The following ARNT2 variants were observed in gnomAD, a reference collection of about 807,000 sequenced individuals.
ARNT2 encodes aryl hydrocarbon receptor nuclear translocator 2.
ARNT2 carries 36 observed loss-of-function variants against 91.7 expected under a neutral mutation model. The observed-to-expected ratio is 0.39, with a 90% CI of 0.30 to 0.52. The LOEUF is 0.52. Among genes scored for constraint, ARNT2 ranks in the 20% least tolerant of loss-of-function variants. ARNT2 has a pLI of 0.72. For missense variants in ARNT2, 775 were observed against 939.3 expected, an observed-to-expected ratio of 0.83 and a Z score of 2.29; for synonymous variants, 365 against 347.1, an observed-to-expected ratio of 1.05 and a Z score of -0.57.
chr15:80,580,235 G>A (rs777482115), intron 15 of ARNT2, 176 bp from the exon 16 acceptor site: 10 of 767,736 alleles, frequency 1.3e-5, no homozygotes, highest in Non-Finnish European at 2.2e-5. Flanking sequence ...TGAAGGGAGA[G>A]GAGGACGGCC....
chr15:80,546,150 C>A (rs1157836309), intron 8 of ARNT2, among the ~76,000 whole-genome samples: 1 of 152,050 alleles, frequency 6.6e-6, no homozygotes, highest in East Asian at 1.9e-4. Context: ...TTAAATAAAT[C>A]TATTTTATAT....
At chr15:80,424,777 C>CAAAAAAAA (rs11403327) in intron 1 of ARNT2, among the ~76,000 whole-genome samples, 1 of 147,086 alleles carries the variant, frequency 6.8e-6, no homozygotes. Flanking sequence ...AAACAGCCCT[C>CAAAAAAAA]AAAAAAAAAA....
At chr15:80,408,140 G>T (rs1895628063) in intron 1 of ARNT2, among the ~76,000 whole-genome samples, 1 of 152,148 alleles carries the variant, frequency 6.6e-6, no homozygotes, top group East Asian at 1.9e-4. Flanking sequence ...ATTGTATAGT[G>T]CAGGAAGATT....
intron 3 of ARNT2, among the ~76,000 whole-genome samples, chr15:80,467,416 G>A (rs1896671411): frequency 6.6e-6 from 1 of 152,226 alleles, no homozygotes; most frequent in South Asian, 2.1e-4. Context: ...GTGGGGAGCA[G>A]CTGACACGTG....
At chr15:80,530,048 A>AGAGC (rs1897710878) in intron 8 of ARNT2, among the ~76,000 whole-genome samples, 1 of 152,118 alleles carries the variant, frequency 6.6e-6, no homozygotes, top group African/African-American at 2.4e-5. Flanking sequence ...CATTGGCTCT[A>AGAGC]ATTCCTTAAC....
At chr15:80,555,424 T>C (rs1030403466) in intron 11 of ARNT2, 6 of 390,052 alleles carry the variant, frequency 1.5e-5, no homozygotes, top group Middle Eastern at 7.0e-4. Context: ...GAGGCAGGAA[T>C]TGTTCCAGGG....
chr15:80,560,901 T>C (rs956905809), intron 11 of ARNT2, among the ~76,000 whole-genome samples: 2 of 152,212 alleles, frequency 1.3e-5, no homozygotes, highest in African/African-American at 4.8e-5. Context: ...GGTTTATTTA[T>C]CACTCAGGGA....
intron 8 of ARNT2, among the ~76,000 whole-genome samples, chr15:80,545,483 C>A (rs1001589198): frequency 1.3e-5 from 2 of 152,108 alleles, no homozygotes; most frequent in African/African-American, 4.8e-5. Flanking sequence ...TTATTCCCTG[C>A]AGAGGAATGG....
intron 8 of ARNT2, among the ~76,000 whole-genome samples, chr15:80,528,405 T>TCTAC (rs1897676179): frequency 1.3e-5 from 2 of 151,914 alleles, no homozygotes; most frequent in African/African-American, 2.4e-5. Flanking sequence ...TATCTATCTA[T>TCTAC]CTATCTATTT....
intron 3 of ARNT2, 122 bp from the exon 4 acceptor site, chr15:80,470,096 G>T (rs929934903): frequency 1.0e-6 from 1 of 998,514 alleles, no homozygotes; most frequent in African/African-American, 1.6e-5. Flanking sequence ...GCACTCAGCT[G>T]TTAGGTGTTA....
rs182361425 is a variant in ARNT2, at chr15:80,582,072, G to A, written c.1918+668G>A. 6.2e-4 allele frequency among the ~76,000 whole-genome samples: 95 copies of A among 152,290 alleles called. 1 individual carries two copies. The East Asian group carries it at 0.018, about 28-fold the overall frequency. ...GTCACTGGGTGACACCCAGCAGTGC[G>A]GCTCATAGAGCTTTTCTCTACAGAA... On this transcript the variant is annotated intron_variant, in intron 17 of 18. Transcript: ENST00000303329.
chr15:80,539,318 G>A (rs565816017), intron 8 of ARNT2, among the ~76,000 whole-genome samples: 36 of 152,070 alleles, frequency 2.4e-4, no homozygotes, highest in Admixed American at 7.2e-4. Context: ...AAAATGCTTG[G>A]GTGGTTTATC....
intron 8 of ARNT2, among the ~76,000 whole-genome samples, chr15:80,517,850 C>A (rs114574939): frequency 2.6e-3 from 397 of 151,990 alleles, no homozygotes; most frequent in African/African-American, 9.1e-3. Flanking sequence ...CTTTTTTATT[C>A]TTTCTTAGAG....
chr15:80,522,798 A>G (rs59848789), intron 8 of ARNT2, among the ~76,000 whole-genome samples: 4,901 of 142,498 alleles, frequency 0.034, 172 homozygotes, highest in African/African-American at 0.091. Flanking sequence ...ATATTTACAT[A>G]TGTGTGTGTG....
chr15:80,590,294 A>G (rs1340864722), intron 17 of ARNT2, among the ~76,000 whole-genome samples: 1 of 152,236 alleles, frequency 6.6e-6, no homozygotes, highest in African/African-American at 2.4e-5. Context: ...GAAACAAGAA[A>G]AAAAGCTTCT....
intron 5 of ARNT2, among the ~76,000 whole-genome samples, chr15:80,501,070 G>C (rs1476178277): frequency 6.6e-6 from 1 of 152,192 alleles, no homozygotes; most frequent in Non-Finnish European, 1.5e-5. Context: ...GTGAGCTTTA[G>C]AGGCAGAGTA....
chr15:80,473,509 A>G (rs1896761673), intron 4 of ARNT2, among the ~76,000 whole-genome samples: 1 of 152,192 alleles, frequency 6.6e-6, no homozygotes, highest in African/African-American at 2.4e-5. Context: ...TAATTCTCTT[A>G]ACAGCTCTTT....
intron 2 of ARNT2, among the ~76,000 whole-genome samples, chr15:80,453,699 A>G (rs1355272980): frequency 2.0e-5 from 3 of 152,158 alleles, no homozygotes; most frequent in East Asian, 1.9e-4. Flanking sequence ...CGCATTTCCC[A>G]CTGCCCTCCC....
intron 12 of ARNT2, among the ~76,000 whole-genome samples, chr15:80,569,582 A>C (rs1898549937): frequency 6.6e-6 from 1 of 152,164 alleles, no homozygotes; most frequent in South Asian, 2.1e-4. Context: ...GGAGATGCTG[A>C]TGTTCCGACC....
Sources: gnomAD v4.1 joint callset for allele counts (sites outside exome capture counted in the v4.1 genomes callset) on GRCh38, gnomAD v4.1.1 for gene constraint, MANE v1.5 for transcripts, NCBI Gene and HGNC (gene_info 2026-07-23, HGNC 2026-07-21) for gene names.